The following CNTNAP5 variants were observed in gnomAD, a reference collection of about 807,000 sequenced individuals.
CNTNAP5 encodes the protein contactin associated protein family member 5, also known as contactin-associated protein-like 5.
A neutral mutation model predicts 150.2 loss-of-function variants in CNTNAP5; 72 were observed. The observed-to-expected ratio is 0.48, with a 90% confidence interval of 0.40 to 0.58. CNTNAP5 has a LOEUF of 0.58. Ranked by LOEUF, CNTNAP5 falls within the 20% of genes least tolerant of loss-of-function variation. CNTNAP5 has a pLI of 0.00. For synonymous variants in CNTNAP5, 672 were observed against 619.8 expected (o/e 1.08, Z -1.25); for missense variants, 1,636 against 1,626.2 (o/e 1.01, Z -0.10).
intron 11 of CNTNAP5, among the ~76,000 whole-genome samples, chr2:124,598,223 C>T (rs1174255394): frequency 7.2e-6 from 1 of 139,202 alleles, no homozygotes; most frequent in Non-Finnish European, 1.5e-5. Context: ...AGGCGCTCTG[C>T]ATTTTAGAGT....
chr2:124,395,684 C>G (rs1691226085), intron 3 of CNTNAP5, among the ~76,000 whole-genome samples: 1 of 152,062 alleles, frequency 6.6e-6, no homozygotes, highest in Admixed American at 6.6e-5. Context: ...TATCTAAACA[C>G]TATGTCCATG....
intron 1 of CNTNAP5, among the ~76,000 whole-genome samples, chr2:124,179,191 C>A (rs113568812): frequency 0.074 from 11,291 of 151,978 alleles, 593 homozygotes; most frequent in Non-Finnish European, 0.11. Flanking sequence ...GAGTCTTGCT[C>A]TGTGGCCCAG....
At chr2:124,721,500 A>ATAAATAAATAC (rs1558750222) in intron 13 of CNTNAP5, among the ~76,000 whole-genome samples, 3 of 148,076 alleles carry the variant, frequency 2.0e-5, no homozygotes, top group Non-Finnish European at 4.4e-5. Flanking sequence ...TAAATAAATA[A>ATAAATAAATAC]ATAAATAAAT....
At chr2:124,166,605 G>C (rs529086831) in intron 1 of CNTNAP5, among the ~76,000 whole-genome samples, 80 of 152,178 alleles carry the variant, frequency 5.3e-4, no homozygotes, top group Non-Finnish European at 9.6e-4. Flanking sequence ...TCTTAATGGT[G>C]GTGGCAGCTC....
intron 3 of CNTNAP5, among the ~76,000 whole-genome samples, chr2:124,260,373 G>A (rs1201108390): frequency 6.6e-6 from 1 of 152,078 alleles, no homozygotes; most frequent in Non-Finnish European, 1.5e-5. Context: ...AATTCAAGAT[G>A]GATTAAAGAC....
At chr2:124,777,901 C>T (rs576664252) in intron 17 of CNTNAP5, among the ~76,000 whole-genome samples, 9 of 151,636 alleles carry the variant, frequency 5.9e-5, no homozygotes, top group Middle Eastern at 3.4e-3. Flanking sequence ...AGAGAGGACC[C>T]GGGCTTCAGA....
At chr2:124,844,356 G>C (rs1321691430) in intron 19 of CNTNAP5, among the ~76,000 whole-genome samples, 1 of 151,988 alleles carries the variant, frequency 6.6e-6, no homozygotes, top group Non-Finnish European at 1.5e-5. Context: ...TCTCTATTCT[G>C]TTCCATTAGT....
chr2:124,460,073 GA>G (rs1392561792), intron 6 of CNTNAP5, among the ~76,000 whole-genome samples: 2 of 152,254 alleles, frequency 1.3e-5, no homozygotes, highest in African/African-American at 4.8e-5. Context: ...TTCTGATACA[GA>G]AATCATCTCC....
At chr2:124,674,509 C>CTCTTTCTTTCTT (rs768888927) in intron 13 of CNTNAP5, among the ~76,000 whole-genome samples, 3,446 of 115,130 alleles carry the variant, frequency 0.03, 80 homozygotes, top group East Asian at 0.037. Context: ...TTCTTTCTTT[C>CTCTTTCTTTCTT]TCTTTCTTTC....
intron 14 of CNTNAP5, among the ~76,000 whole-genome samples, chr2:124,762,244 T>C (rs1558765556): frequency 6.6e-6 from 1 of 152,182 alleles, no homozygotes; most frequent in Admixed American, 6.6e-5. Context: ...TTGTATGGTA[T>C]ATTTCTTTAC....
chr2:124,632,211 C>T (rs1677874928), intron 12 of CNTNAP5, among the ~76,000 whole-genome samples: 1 of 152,036 alleles, frequency 6.6e-6, no homozygotes, highest in African/African-American at 2.4e-5. Flanking sequence ...GGTATATGCC[C>T]AGTGGAATGT....
chr2:124,202,714 G>C (rs533016845), intron 1 of CNTNAP5, among the ~76,000 whole-genome samples: 1 of 152,324 alleles, frequency 6.6e-6, no homozygotes, highest in South Asian at 2.1e-4. Context: ...TCAGGCAAGA[G>C]AGTGTTTGCA....
intron 3 of CNTNAP5, among the ~76,000 whole-genome samples, chr2:124,263,344 A>T (rs1687512430): frequency 6.6e-6 from 1 of 152,112 alleles, no homozygotes; most frequent in Non-Finnish European, 1.5e-5. Flanking sequence ...GGCCATTCTA[A>T]CTGGTGTGAG....
intron 3 of CNTNAP5, among the ~76,000 whole-genome samples, chr2:124,319,872 T>A (rs1250713591): frequency 6.6e-6 from 1 of 152,218 alleles, no homozygotes; most frequent in Non-Finnish European, 1.5e-5. Flanking sequence ...GATGGCTATG[T>A]TTTTATAACT....
intron 1 of CNTNAP5, among the ~76,000 whole-genome samples, chr2:124,136,819 C>T (rs983881436): frequency 1.1e-4 from 17 of 152,312 alleles, no homozygotes; most frequent in African/African-American, 4.1e-4. Context: ...ACTGTCACCT[C>T]CTCTTGGAAG....
intron 12 of CNTNAP5, among the ~76,000 whole-genome samples, chr2:124,634,182 G>A (rs368708807): frequency 6.6e-6 from 1 of 152,170 alleles, no homozygotes; most frequent in Non-Finnish European, 1.5e-5. Flanking sequence ...ACATGGCCAG[G>A]CTGCAAATTT....
chr2:124,443,643 C>G (rs1476832296), intron 5 of CNTNAP5, among the ~76,000 whole-genome samples: 5 of 151,990 alleles, frequency 3.3e-5, no homozygotes, highest in Non-Finnish European at 2.9e-5. Flanking sequence ...ATCAGTTTGA[C>G]TGATTCATAA....
chr2:124,769,587 G>C (rs1681145784), intron 16 of CNTNAP5, among the ~76,000 whole-genome samples: 1 of 152,188 alleles, frequency 6.6e-6, no homozygotes, highest in South Asian at 2.1e-4. Flanking sequence ...GCAAGTGAGA[G>C]CCAGCTTGAG....
intron 16 of CNTNAP5, among the ~76,000 whole-genome samples, chr2:124,771,076 C>T (rs1178675634): frequency 3.9e-5 from 6 of 152,100 alleles, no homozygotes; most frequent in Non-Finnish European, 8.8e-5. Flanking sequence ...ACTCAAAATT[C>T]TGTGTAATGC....
Sources: allele counts gnomAD v4.1 joint callset (sites outside exome capture counted in the v4.1 genomes callset), GRCh38; gene constraint gnomAD v4.1.1; transcripts MANE v1.5; gene names NCBI Gene and HGNC (gene_info 2026-07-23, HGNC 2026-07-21).